Variants in NLGN4X observed in about 807,000 individuals in gnomAD.
The protein encoded by NLGN4X is neuroligin-4, X-linked.
In NLGN4X, 3 loss-of-function variants were observed where a neutral mutation model predicts 40.3. That is an observed-to-expected ratio of 0.07 (90% confidence interval 0.03 to 0.19). NLGN4X has a LOEUF of 0.19. NLGN4X is among the 10% of genes least tolerant of loss of function. The pLI, the probability that NLGN4X is intolerant of heterozygous loss-of-function variation, is 1.00. For missense variants in NLGN4X, 382 were observed against 708.3 expected (o/e 0.54, Z 5.23); for synonymous variants, 270 against 306.8 (o/e 0.88, Z 1.25).
At chrX:6,227,252 C>G (rs1192216733) in intron 1 of NLGN4X, 1 of 109,615 alleles carries the variant, frequency 9.1e-6, no homozygotes, top group Non-Finnish European at 1.9e-5. Context: ...AGGTGGTGCG[C>G]CTATTGGAAC....
intron 2 of NLGN4X, among the ~76,000 whole-genome samples, chrX:6,036,002 T>TG (rs970649038): frequency 9.0e-6 from 1 of 111,513 alleles, no homozygotes; most frequent in Non-Finnish European, 1.9e-5. Flanking sequence ...TGTTAAGTGT[T>TG]GGGGGGGTAA....
chrX:5,968,307 C>T (rs2147006328), intron 3 of NLGN4X, among the ~76,000 whole-genome samples: 1 of 104,261 alleles, frequency 9.6e-6, no homozygotes, highest in African/African-American at 3.5e-5. Context: ...ACCTTCTTCC[C>T]ACTTCCTCCA....
At chrX:6,116,064 T>C (rs776332055) in intron 2 of NLGN4X, among the ~76,000 whole-genome samples, 10 of 108,178 alleles carry the variant, frequency 9.2e-5, no homozygotes, top group Middle Eastern at 4.7e-3. Flanking sequence ...GAGGCCAAGG[T>C]GGGTGCATCA....
At chrX:5,982,228 C>A (rs764741515) in intron 3 of NLGN4X, among the ~76,000 whole-genome samples, 2 of 111,892 alleles carry the variant, frequency 1.8e-5, no homozygotes, top group Non-Finnish European at 3.8e-5. Flanking sequence ...ATGAAAATAT[C>A]TTTTCAACCA....
intron 2 of NLGN4X, among the ~76,000 whole-genome samples, chrX:6,031,687 T>G (rs2036860887): frequency 9.0e-6 from 1 of 110,673 alleles, no homozygotes; most frequent in African/African-American, 3.3e-5. Context: ...TCCATGCATT[T>G]TGCTACCCAG....
At chrX:6,218,474 C>CTA (rs1556012458) in intron 1 of NLGN4X, among the ~76,000 whole-genome samples, 83 of 46,956 alleles carry the variant, frequency 1.8e-3, no homozygotes, top group African/African-American at 2.7e-3. Flanking sequence ...GAGATTAAAC[C>CTA]CACACACACA....
At chrX:5,902,977 T>C in intron 5 of NLGN4X, 100 bp downstream of exon 5, 3 of 941,050 alleles carry the variant, frequency 3.2e-6, no homozygotes, top group South Asian at 2.0e-5. Context: ...TGTGTGTGTA[T>C]GCGTGTGTGC....
chrX:6,202,776 AC>A (rs1923739432), intron 1 of NLGN4X, among the ~76,000 whole-genome samples: 2 of 112,245 alleles, frequency 1.8e-5, no homozygotes, highest in African/African-American at 3.2e-5. Flanking sequence ...AAAATAGTAA[AC>A]ATCTCTGTCA....
chrX:6,199,170 T>C (rs1426207603), intron 1 of NLGN4X, among the ~76,000 whole-genome samples: 1 of 111,907 alleles, frequency 8.9e-6, no homozygotes, highest in Non-Finnish European at 1.9e-5. Context: ...CAAATGAACA[T>C]AAATGACCTT....
chrX:5,892,699 C>G lies in NLGN4X; in HGVS notation c.*118G>C. ...GCATTTTTGTCTTAAGTCAGTGGGA[C>G]AAAAACATTCCTGGTCTGGAGACTT... On this transcript the variant is annotated 3_prime_UTR_variant, in exon 6 of 6. Transcript: ENST00000381095. 4.7e-6 allele frequency: 5 copies of G among 1,064,425 alleles called. No homozygotes were observed. The highest frequency in any genetic ancestry group is 6.3e-6 in the Non-Finnish European group (5 of 788,037). The allele number at this position is 1,064,425 out of a possible 1,213,427, so 87.7% of individuals were successfully genotyped here.
intron 2 of NLGN4X, among the ~76,000 whole-genome samples, chrX:6,138,753 T>C: frequency 9.1e-6 from 1 of 109,327 alleles, no homozygotes; most frequent in East Asian, 2.8e-4. Context: ...GGTGAAAGAG[T>C]TTTGGTGAAA....
At chrX:6,212,299 C>T (rs1924684314) in intron 1 of NLGN4X, among the ~76,000 whole-genome samples, 1 of 108,070 alleles carries the variant, frequency 9.3e-6, no homozygotes. Flanking sequence ...ATTCCTTATT[C>T]AGAGAATAGA....
chrX:6,172,479 T>A (rs2040628433), intron 1 of NLGN4X, among the ~76,000 whole-genome samples: 1 of 112,060 alleles, frequency 8.9e-6, no homozygotes, highest in Non-Finnish European at 1.9e-5. Flanking sequence ...ATTGGAGATA[T>A]CCTCATAATC....
chrX:6,154,820 G>A (rs1341602356), intron 1 of NLGN4X, among the ~76,000 whole-genome samples: 1 of 111,651 alleles, frequency 9.0e-6, no homozygotes, highest in Non-Finnish European at 1.9e-5. Context: ...TTTATAACTT[G>A]ATTGGGTATT....
intron 2 of NLGN4X, among the ~76,000 whole-genome samples, chrX:6,103,947 G>A (rs368542727): frequency 1.8e-5 from 2 of 112,128 alleles, no homozygotes; most frequent in African/African-American, 6.5e-5. Context: ...AATAGAATAC[G>A]TATGTGCAAT....
chrX:6,162,716 T>C (rs1382343944), intron 1 of NLGN4X, among the ~76,000 whole-genome samples: 3 of 111,777 alleles, frequency 2.7e-5, no homozygotes, highest in Non-Finnish European at 3.8e-5. Flanking sequence ...CTACCTAATA[T>C]AACCATCAAT....
chrX:6,080,244 T>C (rs1183929091), intron 2 of NLGN4X, among the ~76,000 whole-genome samples: 1 of 111,610 alleles, frequency 9.0e-6, no homozygotes, highest in Non-Finnish European at 1.9e-5. Flanking sequence ...TTTGAAAGCT[T>C]TGGGTCTAAG....
At chrX:5,908,257 C>T (rs989037267) in intron 4 of NLGN4X, among the ~76,000 whole-genome samples, 1 of 110,081 alleles carries the variant, frequency 9.1e-6, no homozygotes, top group African/African-American at 3.3e-5. Flanking sequence ...GACACTATTC[C>T]TCTGGGTAGA....
At chrX:6,066,586 C>A (rs1047102396) in intron 2 of NLGN4X, among the ~76,000 whole-genome samples, 2 of 108,545 alleles carry the variant, frequency 1.8e-5, no homozygotes, top group Non-Finnish European at 3.8e-5. Context: ...GAGTTCGAGA[C>A]CAGTCTGCCC....
Sources: allele counts gnomAD v4.1 joint callset (sites outside exome capture counted in the v4.1 genomes callset), GRCh38; gene constraint gnomAD v4.1.1; transcripts MANE v1.5; gene names NCBI Gene and HGNC (gene_info 2026-07-23, HGNC 2026-07-21).